The following DIP2A variants were observed in gnomAD, a reference collection of about 807,000 sequenced individuals.
DIP2A encodes DIP2 acetate--CoA ligase A.
A neutral mutation model predicts 177.4 loss-of-function variants in DIP2A; 85 were observed. That is an observed-to-expected ratio of 0.48 (90% CI 0.40 to 0.57). The LOEUF is 0.57. DIP2A is among the 20% of genes least tolerant of loss of function. DIP2A has a pLI of 0.00. For missense variants in DIP2A, 1,791 were observed against 2,100.2 expected (o/e 0.85, Z 2.88); for synonymous variants, 886 against 881.8 (o/e 1.00, Z -0.08).
intron 1 of DIP2A, among the ~76,000 whole-genome samples, chr21:46,480,996 T>C (rs919348657): frequency 1.3e-5 from 2 of 152,178 alleles, no homozygotes; most frequent in Non-Finnish European, 2.9e-5. Context: ...GCCCAGAAGT[T>C]GGAGGCTGCA....
chr21:46,562,023 A>G, intron 34 of DIP2A: 1 of 790,290 alleles, frequency 1.3e-6, no homozygotes, highest in East Asian at 1.3e-4. Context: ...GCTCAAAGCC[A>G]AGAAAGGGAG....
intron 8 of DIP2A, among the ~76,000 whole-genome samples, chr21:46,522,121 C>T (rs960303891): frequency 1.3e-5 from 2 of 152,130 alleles, no homozygotes; most frequent in Non-Finnish European, 2.9e-5. Flanking sequence ...TTTTATTTTA[C>T]CAATAGTCTT....
chr21:46,477,543 TTGTGTGTGTG>T (rs1555874551), intron 1 of DIP2A, among the ~76,000 whole-genome samples: 1 of 87,094 alleles, frequency 1.1e-5, no homozygotes, highest in Admixed American at 1.4e-4. Context: ...AAAAAAAGAT[TTGTGTGTGTG>T]TGTGTGTGTG....
intron 13 of DIP2A, among the ~76,000 whole-genome samples, chr21:46,535,486 A>G (rs2148780238): frequency 1.3e-5 from 2 of 152,298 alleles, no homozygotes; most frequent in African/African-American, 4.8e-5. Context: ...TTGGTAGGCT[A>G]AAGCAGGAGG....
intron 1 of DIP2A, among the ~76,000 whole-genome samples, chr21:46,471,877 C>T (rs535671122): frequency 1.3e-5 from 2 of 152,330 alleles, no homozygotes; most frequent in East Asian, 1.9e-4. Context: ...CCTGTGTCTT[C>T]TTTCTACACT....
chr21:46,477,901 C>G (rs1387182012), intron 1 of DIP2A, among the ~76,000 whole-genome samples: 1 of 151,930 alleles, frequency 6.6e-6, no homozygotes. Context: ...CATTTAGATG[C>G]GTAATTCACC....
intron 1 of DIP2A, among the ~76,000 whole-genome samples, chr21:46,472,949 T>A (rs2055524069): frequency 6.6e-6 from 1 of 152,228 alleles, no homozygotes; most frequent in South Asian, 2.1e-4. Flanking sequence ...CACATGTGGC[T>A]ACTGAACACT....
chr21:46,490,445 A>G (rs764878749), intron 2 of DIP2A, among the ~76,000 whole-genome samples, 155 bp from the exon 3 acceptor site: 3 of 152,178 alleles, frequency 2.0e-5, no homozygotes, highest in Non-Finnish European at 2.9e-5. Context: ...CCCTTAACCC[A>G]CAGCATTTAT....
intron 1 of DIP2A, among the ~76,000 whole-genome samples, chr21:46,466,737 A>G (rs2054867875): frequency 6.6e-6 from 1 of 151,910 alleles, no homozygotes; most frequent in Non-Finnish European, 1.5e-5. Context: ...GGCTGCTGAG[A>G]CACCCCACCT....
chr21:46,490,417 G>T (rs1262429758), intron 2 of DIP2A, among the ~76,000 whole-genome samples, 183 bp from the exon 3 acceptor site: 1 of 152,156 alleles, frequency 6.6e-6, no homozygotes, highest in Non-Finnish European at 1.5e-5. Flanking sequence ...GGAGAGGAGA[G>T]CACGGAAGTG....
chr21:46,465,271 C>CA (rs896979304), intron 1 of DIP2A, among the ~76,000 whole-genome samples: 13 of 152,028 alleles, frequency 8.6e-5, no homozygotes, highest in African/African-American at 3.1e-4. Context: ...TTTCAGCTGT[C>CA]AAAAGTCAGA....
rs1391490030 is a variant in DIP2A at position 46,557,172 on chromosome 21, T to TG, written c.3629+104dup. On this transcript the variant is annotated intron_variant, in intron 30 of 37. Transcript: ENST00000417564. This position sits in a 1 kb window ranked among gnomAD's most constrained non-coding sequence, Gnocchi z 6.0. ...CTTTTCTGGGTGCTCAGGAAGCCGATGAGATGTGTGTGAGTGGGTTTGTTT... is the reference window on the plus strand; with the variant it reads ...CTTTTCTGGGTGCTCAGGAAGCCGATGGAGATGTGTGTGAGTGGGTTTGTTT... 4 of 1,341,864 alleles carry TG rather than the reference T, an allele frequency of 3.0e-6. No homozygotes were observed. Among genetic ancestry groups the TG allele is most frequent in the Non-Finnish European group, 4.0e-6 (4 of 1,000,252 alleles). 83.1% of individuals were successfully genotyped at this position (1,341,864 alleles called of 1,614,324 possible). A position where few individuals can be genotyped will look rare whatever the true frequency, so the allele number is the denominator to read the frequency against.
intron 6 of DIP2A, among the ~76,000 whole-genome samples, chr21:46,506,331 T>C (rs1285912951): frequency 6.6e-6 from 1 of 152,188 alleles, no homozygotes; most frequent in African/African-American, 2.4e-5. Context: ...TTGTCCAGGC[T>C]GGTCTCAAAC....
chr21:46,580,521 T>G, the DIP2A span, among the ~76,000 whole-genome samples: 4,757 of 152,316 alleles, frequency 0.031, 90 homozygotes, highest in Middle Eastern at 0.045. Context: ...GACTTATTAA[T>G]GTAGTTGCTT....
chr21:46,557,859 G>A lies in DIP2A; in HGVS notation c.3798+106G>A. On this transcript the variant is annotated intron_variant, in intron 31 of 37. Coordinates refer to ENST00000417564, the MANE Select transcript of DIP2A (RefSeq NM_015151.4). The surrounding 1 kb of genome is among the most constrained non-coding windows in gnomAD (Gnocchi z 6.0). ...CTCCCAAGGCCCCTCCCTGCAGTTG[G>A]AGGAAGTAGAGAAAACCCTTTCCCA... The A allele has an allele frequency of 2.9e-6, 4 of 1,369,182 alleles. No individual in the cohort carries two copies. In the East Asian group the frequency reaches 7.5e-5, roughly 26 times the overall value. 84.8% of individuals were successfully genotyped at this position (1,369,182 alleles called of 1,614,324 possible). A position where few individuals can be genotyped will look rare whatever the true frequency, so the allele number is the denominator to read the frequency against.
At chr21:46,502,929 TAAAAC>T in intron 5 of DIP2A, among the ~76,000 whole-genome samples, 1 of 152,278 alleles carries the variant, frequency 6.6e-6, no homozygotes, top group Non-Finnish European at 1.5e-5. Flanking sequence ...ACCATGGAAA[TAAAAC>T]ACAAAAATGT....
In DIP2A at chr21:46,477,829, C is replaced by CT. The variant is rs376084557; in HGVS notation, c.92-6927dup. Among the ~76,000 whole-genome samples the CT allele has an allele frequency of 7.9e-3, 1,206 of 152,066 alleles. 16 individuals are homozygous for CT. Among genetic ancestry groups the CT allele is most frequent in the African/African-American group, 0.028 (1,144 of 41,490 alleles). ...GAATTCCTGACCTCAGGTGATCCACCTGCCTTGGCCTCCCAAAGTGTTGGG... is the reference window on the plus strand; with the variant it reads ...GAATTCCTGACCTCAGGTGATCCACCTTGCCTTGGCCTCCCAAAGTGTTGGG... On this transcript the variant is annotated intron_variant, in intron 1 of 37. Coordinates refer to ENST00000417564, the MANE Select transcript of DIP2A (RefSeq NM_015151.4).
chr21:46,470,747 G>T (rs1227766935), intron 1 of DIP2A, among the ~76,000 whole-genome samples: 1 of 148,900 alleles, frequency 6.7e-6, no homozygotes, highest in Non-Finnish European at 1.5e-5. Context: ...CTGGACGACA[G>T]AGTGAGACTC....
chr21:46,582,286 C>T, the DIP2A span, among the ~76,000 whole-genome samples: 1 of 152,152 alleles, frequency 6.6e-6, no homozygotes, highest in South Asian at 2.1e-4. Flanking sequence ...ACCCAGTCTT[C>T]CCCGCACCAG....
Sources: allele counts gnomAD v4.1 joint callset (sites outside exome capture counted in the v4.1 genomes callset), GRCh38; gene constraint gnomAD v4.1.1; non-coding constraint Gnocchi (gnomAD v3.1); transcripts MANE v1.5; gene names NCBI Gene and HGNC (gene_info 2026-07-23, HGNC 2026-07-21).